Variants in XIRP2 observed in about 807,000 individuals in gnomAD.
XIRP2 encodes xin actin binding repeat containing 2.
Under a neutral mutation model 277.0 loss-of-function variants are expected in XIRP2, and 236 were observed. That is an observed-to-expected ratio of 0.85 (90% CI 0.77 to 0.95). The LOEUF (loss-of-function observed/expected upper bound fraction) is 0.95. Ranked by LOEUF, XIRP2 falls within the 40% of genes least tolerant of loss-of-function variation. The pLI is 0.00. For synonymous variants in XIRP2, 1,490 were observed against 1,416.5 expected (o/e 1.05, Z -1.17); for missense variants, 4,640 against 4,157.5 (o/e 1.12, Z -3.19).
rs1403860266 is a variant in XIRP2 at position 167,241,809 on chromosome 2, A to C, written c.1075A>C (p.Lys359Gln). ...TACACCTGAGGATGAAGAGATTCCAAAGGTTTCGACTAAGTTGTTAAAAGA... is the reference window on the plus strand; with the variant it reads ...TACACCTGAGGATGAAGAGATTCCACAGGTTTCGACTAAGTTGTTAAAAGA... ...IDTPEDEEIP[K>Q]VSTKLLKEQF... Residue 359 changes from lysine to glutamine, a missense_variant, in exon 8 of 11, where the codon AAG becomes CAG. Transcript: ENST00000409195. The C allele has an allele frequency of 6.2e-6, 10 of 1,613,374 alleles. No individual in the cohort carries two copies. In the East Asian group the frequency reaches 1.1e-4, roughly 18 times the overall value.
intron 2 of XIRP2, among the ~76,000 whole-genome samples, chr2:166,989,106 A>T (rs1687102745): frequency 9.5e-6 from 1 of 105,710 alleles, no homozygotes; most frequent in Non-Finnish European, 1.8e-5. Context: ...CCCAGCACGC[A>T]GCTGGAGATC....
rs1008868602 is a variant in XIRP2 at position 167,258,840 on chromosome 2, T to C, written c.*1023T>C. 1.2e-6 allele frequency: 2 copies of C among 1,613,126 alleles called. No individual in the cohort carries two copies. The highest frequency in any genetic ancestry group is 1.7e-5 in the Admixed American group (1 of 59,824). On this transcript the variant is annotated 3_prime_UTR_variant, in exon 11 of 11. Coordinates refer to ENST00000409195, the MANE Select transcript of XIRP2 (RefSeq NM_152381.6). ...AGAATCTCAGAGTTACTTGGTATAT[T>C]TGAATCTGAAAAGACTTATTCGAGG... is the stretch of plus-strand genomic sequence containing the variant.
chr2:167,089,498 C>T (rs76457165), intron 2 of XIRP2, among the ~76,000 whole-genome samples: 6,159 of 152,220 alleles, frequency 0.04, 191 homozygotes, highest in East Asian at 0.13. Context: ...CCCATTATGT[C>T]ACAAGGAATA....
Position 167,242,767 on chromosome 2 carries a change from G to A in XIRP2, c.1375G>A (p.Val459Ile), listed in dbSNP as rs546227545. 75 of 1,613,950 alleles carry A rather than the reference G, an allele frequency of 4.6e-5. No individual in the cohort carries two copies. The highest frequency in any genetic ancestry group is 8.3e-5 in the Admixed American group (5 of 60,014). The change falls in exon 9 of 11, where the codon GTA (valine) becomes ATA (isoleucine). Residue 459 changes from valine (V) to isoleucine (I), a missense_variant. Val to Ile is a conservative substitution (Grantham distance 29, BLOSUM62 3). Coordinates refer to ENST00000409195, the MANE Select transcript of XIRP2 (RefSeq NM_152381.6). ...TEEFPPPPPD[V>I]LQTSVDVTAF... ...AGAATTTCCTCCTCCCCCACCTGACGTACTTCAAACTTCAGTAGATGTGAC... is the reference window on the plus strand; with the variant it reads ...AGAATTTCCTCCTCCCCCACCTGACATACTTCAAACTTCAGTAGATGTGAC...
chr2:166,944,551 A>T (rs1685802097), intron 2 of XIRP2, among the ~76,000 whole-genome samples: 1 of 152,252 alleles, frequency 6.6e-6, no homozygotes, highest in Non-Finnish European at 1.5e-5. Context: ...ATGAGAGCCC[A>T]AGAGGTGCCT....
intron 3 of XIRP2, among the ~76,000 whole-genome samples, chr2:167,137,719 C>G (rs1320441865): frequency 6.6e-6 from 1 of 152,148 alleles, no homozygotes; most frequent in Admixed American, 6.5e-5. Flanking sequence ...TTTCCAGGTA[C>G]ATTGACAATA....
At chr2:167,179,932 C>A (rs968054216) in intron 3 of XIRP2, among the ~76,000 whole-genome samples, 1 of 152,140 alleles carries the variant, frequency 6.6e-6, no homozygotes, top group African/African-American at 2.4e-5. Context: ...CAGGCATGGG[C>A]CACTGCACCT....
intron 2 of XIRP2, among the ~76,000 whole-genome samples, chr2:166,920,489 A>G (rs1685008877): frequency 1.3e-5 from 2 of 152,148 alleles, no homozygotes; most frequent in Admixed American, 6.6e-5. Flanking sequence ...AGTGTCCCCC[A>G]AACTACCACA....
In XIRP2 at chr2:167,254,071, C is replaced by G. The variant is rs1695592300; in HGVS notation, c.10595C>G (p.Ser3532Ter). 3 of 1,606,556 alleles carry G rather than the reference C, an allele frequency of 1.9e-6. No homozygotes were observed. Among genetic ancestry groups the G allele is most frequent in the Non-Finnish European group, 2.6e-6 (3 of 1,176,148 alleles). ...AGACAAGGAAATATGTATACTTTGTCAAAAGACAGTTTATCCAATGGAGTG... is the reference window on the plus strand; with the variant it reads ...AGACAAGGAAATATGTATACTTTGTGAAAAGACAGTTTATCCAATGGAGTG... The part of the protein sequence containing the change: ...APRQGNMYTL[S>*]KDSLSNGVPS... The change falls in exon 10 of 11, where the codon TCA (serine) becomes TGA (stop). Residue 3532 changes from serine to a stop codon, truncating the protein, a stop_gained. Transcript: ENST00000409195. LOFTEE classifies it high-confidence loss of function.
chr2:167,248,464 GA>G lies in XIRP2; in HGVS notation c.7075del (p.Ser2359ValfsTer54). ...PPPVDEKSER[E>X]SSSMFLPPPP... ...TCCAGTAGATGAGAAATCTGAAAGA[GA>G]AAGTTCATCGATGTTTCTGCCGCCT... On this transcript the variant is annotated frameshift_variant, in exon 9 of 11. Transcript: ENST00000409195. LOFTEE classifies it high-confidence loss of function. 6.2e-7 allele frequency: 1 copy of G among 1,613,582 alleles called. No individual in the cohort carries two copies. The highest frequency in any genetic ancestry group is 8.5e-7 in the Non-Finnish European group (1 of 1,179,728).
At chr2:167,054,494 G>A (rs1319851627) in intron 2 of XIRP2, among the ~76,000 whole-genome samples, 3 of 152,102 alleles carry the variant, frequency 2.0e-5, no homozygotes, top group Non-Finnish European at 2.9e-5. Flanking sequence ...GACAAGCCTG[G>A]CCAACATGGT....
chr2:167,219,678 A>C (rs554032286), intron 5 of XIRP2, among the ~76,000 whole-genome samples: 3 of 152,178 alleles, frequency 2.0e-5, no homozygotes, highest in Non-Finnish European at 4.4e-5. Context: ...CTTTTGAACA[A>C]GGGACTCTAC....
At chr2:166,974,950 T>C (rs1686673013) in intron 2 of XIRP2, among the ~76,000 whole-genome samples, 1 of 152,042 alleles carries the variant, frequency 6.6e-6, no homozygotes, top group African/African-American at 2.4e-5. Flanking sequence ...GGATTCACTA[T>C]GCAAATATTA....
chr2:167,018,434 A>C (rs1011590246), intron 2 of XIRP2, among the ~76,000 whole-genome samples: 4 of 152,052 alleles, frequency 2.6e-5, no homozygotes, highest in Non-Finnish European at 5.9e-5. Context: ...GTAAAGAATA[A>C]AGGGGGATAA....
intron 2 of XIRP2, among the ~76,000 whole-genome samples, chr2:166,950,528 C>T (rs1481538199): frequency 1.3e-5 from 2 of 151,910 alleles, no homozygotes; most frequent in Non-Finnish European, 2.9e-5. Context: ...TTAGTGGAAG[C>T]ATAATTATAG....
intron 3 of XIRP2, 121 bp downstream of exon 3, chr2:167,136,183 A>T: frequency 2.0e-6 from 2 of 978,118 alleles, no homozygotes; most frequent in Non-Finnish European, 2.7e-6. Context: ...GACTGCATAT[A>T]GTTTAGGAAA....
At chr2:166,958,807 T>C (rs986033726) in intron 2 of XIRP2, among the ~76,000 whole-genome samples, 1 of 151,850 alleles carries the variant, frequency 6.6e-6, no homozygotes, top group South Asian at 2.1e-4. Flanking sequence ...AAAAATCTTA[T>C]CCTAGTATCT....
chr2:167,081,472 A>T lies in XIRP2; in HGVS notation c.409-54437A>T, dbSNP rs1305660438. On this transcript the variant is annotated intron_variant, in intron 2 of 10. Coordinates refer to ENST00000409195, the MANE Select transcript of XIRP2 (RefSeq NM_152381.6). ...GGCAGAGTAAAACTGCCTCTAAAAA[A>T]TTTTTTAAGATGAAAAATAGAAAAG... 6.6e-5 allele frequency among the ~76,000 whole-genome samples: 10 copies of T among 152,190 alleles called. No homozygotes were observed. In the East Asian group the frequency reaches 9.6e-4, roughly 15 times the overall value.
At chr2:167,033,075 A>C (rs1374492935) in intron 2 of XIRP2, among the ~76,000 whole-genome samples, 1 of 152,198 alleles carries the variant, frequency 6.6e-6, no homozygotes, top group African/African-American at 2.4e-5. Flanking sequence ...CTGGATAAAG[A>C]AATTGTGACA....
Sources: gnomAD v4.1 joint callset for allele counts (sites outside exome capture counted in the v4.1 genomes callset) on GRCh38, gnomAD v4.1.1 for gene constraint, MANE v1.5 for transcripts, NCBI Gene and HGNC (gene_info 2026-07-23, HGNC 2026-07-21) for gene names.